The following ADGRD1 variants were observed in gnomAD, a reference collection of about 807,000 sequenced individuals.
ADGRD1 encodes G-protein coupled receptor 133.
A neutral mutation model predicts 113.4 loss-of-function variants in ADGRD1; 77 were observed. That is an observed-to-expected ratio of 0.68 (90% CI 0.57 to 0.82). The LOEUF is 0.82. Ranked by LOEUF, ADGRD1 falls within the 40% of genes least tolerant of loss-of-function variation. ADGRD1 has a pLI of 0.00. For synonymous variants in ADGRD1, 474 were observed against 475.0 expected (o/e 1.00, Z 0.03); for missense variants, 1,036 against 1,139.1 (o/e 0.91, Z 1.30).
At chr12:131,121,600 G>T (rs1030302518) in intron 20 of ADGRD1, among the ~76,000 whole-genome samples, 2 of 152,084 alleles carry the variant, frequency 1.3e-5, no homozygotes, top group Non-Finnish European at 2.9e-5. Context: ...GGCTGGTCTC[G>T]AACTCCTGAC....
intron 8 of ADGRD1, among the ~76,000 whole-genome samples, chr12:130,993,537 G>C (rs1417912154): frequency 6.6e-6 from 1 of 151,824 alleles, no homozygotes; most frequent in Non-Finnish European, 1.5e-5. Flanking sequence ...GAACTACATG[G>C]AGCTGCGGGA....
At chr12:131,037,551 G>C (rs1881640346) in intron 13 of ADGRD1, among the ~76,000 whole-genome samples, 1 of 52,550 alleles carries the variant, frequency 1.9e-5, no homozygotes, top group Non-Finnish European at 3.6e-5. Context: ...ACTGCACTGG[G>C]TCTCACTCAC....
intron 3 of ADGRD1, chr12:130,967,618 T>G (rs1397261558): frequency 6.6e-6 from 1 of 152,436 alleles, no homozygotes; most frequent in Non-Finnish European, 1.5e-5. Context: ...CTTACTCCTG[T>G]GATTTAATGT....
chr12:130,996,633 ACGAGGCGGC>A (rs1875425914), intron 8 of ADGRD1, among the ~76,000 whole-genome samples: 2 of 97,822 alleles, frequency 2.0e-5, no homozygotes, highest in African/African-American at 4.1e-5. Flanking sequence ...CACCTCCCGG[ACGAGGCGGC>A]TGGCCGGGCG....
intron 9 of ADGRD1, chr12:131,002,981 G>T: frequency 1.4e-6 from 1 of 717,426 alleles, no homozygotes; most frequent in Non-Finnish European, 2.4e-6. Flanking sequence ...GTCCACCTGG[G>T]CTGTGTCCAT....
chr12:131,011,981 G>A (rs1593355025), intron 12 of ADGRD1, among the ~76,000 whole-genome samples: 2 of 152,154 alleles, frequency 1.3e-5, no homozygotes, highest in East Asian at 1.9e-4. Flanking sequence ...AACTTTCTGC[G>A]GCCTCGAGCC....
intron 8 of ADGRD1, among the ~76,000 whole-genome samples, chr12:130,994,863 G>A (rs1013712237): frequency 6.6e-6 from 1 of 152,206 alleles, no homozygotes; most frequent in African/African-American, 2.4e-5. Flanking sequence ...TTGTGGCCAG[G>A]GGCATGTCCA....
intron 13 of ADGRD1, among the ~76,000 whole-genome samples, chr12:131,065,494 G>A (rs928801949): frequency 9.8e-5 from 15 of 152,328 alleles, no homozygotes; most frequent in East Asian, 7.7e-4. Flanking sequence ...CCCCTGTCCC[G>A]TGGGAGGAGG....
chr12:131,038,259 A>T (rs1881749949), intron 13 of ADGRD1, among the ~76,000 whole-genome samples: 1 of 152,244 alleles, frequency 6.6e-6, no homozygotes, highest in South Asian at 2.1e-4. Context: ...CCCCATCCAC[A>T]TAGCCCAGTG....
At chr12:131,007,046 A>G (rs1877214642) in intron 12 of ADGRD1, among the ~76,000 whole-genome samples, 1 of 152,220 alleles carries the variant, frequency 6.6e-6, no homozygotes, top group African/African-American at 2.4e-5. Context: ...TGTGAAATAT[A>G]TGAGACGTGC....
At position 131,056,752 on chromosome 12, in the gene ADGRD1, C is replaced by A. The variant is rs567277335; in HGVS notation, c.1474-20049C>A. ...TGGAACCTGACACAGGGCGGAAGACCCCGTGGGGATAATCACTTCCCCTGG... is the reference window on the plus strand; with the variant it reads ...TGGAACCTGACACAGGGCGGAAGACACCGTGGGGATAATCACTTCCCCTGG... On this transcript the variant is annotated intron_variant, in intron 13 of 24. Coordinates refer to ENST00000261654, the MANE Select transcript of ADGRD1 (RefSeq NM_198827.5). 5.3e-5 allele frequency among the ~76,000 whole-genome samples: 8 copies of A among 152,256 alleles called. No individual in the cohort carries two copies. In the South Asian group the frequency reaches 1.7e-3, roughly 32 times the overall value.
chr12:131,122,289 C>T (rs1055302147), intron 20 of ADGRD1, among the ~76,000 whole-genome samples: 5 of 152,116 alleles, frequency 3.3e-5, no homozygotes, highest in Non-Finnish European at 5.9e-5. Context: ...ATCAGAGCCT[C>T]CCTCACAGCG....
chr12:131,117,694 G>C (rs1404165808), intron 18 of ADGRD1, among the ~76,000 whole-genome samples: 1 of 152,202 alleles, frequency 6.6e-6, no homozygotes, highest in Non-Finnish European at 1.5e-5. Flanking sequence ...GAAGGAACCA[G>C]CCCACCTGGA....
At chr12:130,976,247 G>A (rs897642450) in intron 4 of ADGRD1, among the ~76,000 whole-genome samples, 1 of 152,120 alleles carries the variant, frequency 6.6e-6, no homozygotes, top group Non-Finnish European at 1.5e-5. Context: ...GGCGATCTGG[G>A]GTCAGGGGGC....
intron 9 of ADGRD1, chr12:131,002,680 A>G: frequency 8.5e-7 from 1 of 1,170,812 alleles, no homozygotes; most frequent in South Asian, 1.6e-5. Flanking sequence ...CTTGGAGTAG[A>G]AGGCAAGCTC....
chr12:131,120,943 CG>C (rs1202992831), intron 20 of ADGRD1, 30 bp downstream of exon 20: 108 of 1,603,356 alleles, frequency 6.7e-5, no homozygotes, highest in Non-Finnish European at 9.0e-5. Flanking sequence ...GGGCGCAGAG[CG>C]GGGCTGGGGA....
rs373680341 is a variant in ADGRD1 at position 131,003,341 on chromosome 12, C to T, written c.1144+39C>T. ...GTAAGGGTGAGCCACATGGCAGGGG[C>T]GGGGGCTGGAGGCTGCGTTTCACTG... On this transcript the variant is annotated intron_variant, in intron 10 of 24. Transcript: ENST00000261654. The surrounding 1 kb of genome is among the most constrained non-coding windows in gnomAD (Gnocchi z 4.8). The T allele has an allele frequency of 5.7e-5, 80 of 1,413,184 alleles. No individual in the cohort carries two copies. Among genetic ancestry groups the T allele is most frequent in the Middle Eastern group, 5.3e-4 (3 of 5,686 alleles). The allele number at this position is 1,413,184 out of a possible 1,614,324, so 87.5% of individuals were successfully genotyped here. A position where few individuals can be genotyped will look rare whatever the true frequency, so the allele number is the denominator to read the frequency against.
At chr12:131,020,285 A>G (rs1195907) in intron 13 of ADGRD1, among the ~76,000 whole-genome samples, 5,650 of 22,522 alleles carry the variant, frequency 0.25, 1,525 homozygotes, top group East Asian at 0.57. Flanking sequence ...GCAGGACCCC[A>G]AGCTCCATCC....
chr12:131,021,535 TG>T (rs1163305391), intron 13 of ADGRD1, among the ~76,000 whole-genome samples: 1 of 152,130 alleles, frequency 6.6e-6, no homozygotes, highest in African/African-American at 2.4e-5. Flanking sequence ...AGTCGGCCTG[TG>T]GGCTACCAAG....
Sources: allele counts gnomAD v4.1 joint callset (sites outside exome capture counted in the v4.1 genomes callset), GRCh38; gene constraint gnomAD v4.1.1; non-coding constraint Gnocchi (gnomAD v3.1); transcripts MANE v1.5; gene names NCBI Gene and HGNC (gene_info 2026-07-23, HGNC 2026-07-21).